PCDH15: variants seen among roughly 807,000 people sequenced by gnomAD.
PCDH15 encodes protocadherin related 15.
Under a neutral mutation model 178.5 loss-of-function variants are expected in PCDH15, and 129 were observed. That is an observed-to-expected ratio of 0.72 (90% confidence interval 0.63 to 0.84). The LOEUF is 0.84. Ranked by LOEUF, PCDH15 falls within the 40% of genes least tolerant of loss-of-function variation. The pLI, the probability that PCDH15 is intolerant of heterozygous loss-of-function variation, is 0.00. For synonymous variants in PCDH15, 800 were observed against 732.0 expected, an observed-to-expected ratio of 1.09 and a Z score of -1.50; for missense variants, 2,230 against 2,099.9, an observed-to-expected ratio of 1.06 and a Z score of -1.21.
chr10:54,476,501 A>C (rs2078283632), intron 3 of PCDH15, among the ~76,000 whole-genome samples: 1 of 152,026 alleles, frequency 6.6e-6, no homozygotes, highest in African/African-American at 2.4e-5. Flanking sequence ...TAATAAGGTA[A>C]ATTATTTGAT....
intron 8 of PCDH15, among the ~76,000 whole-genome samples, chr10:54,258,720 TC>T (rs1330321203): frequency 1.3e-5 from 2 of 152,128 alleles, no homozygotes; most frequent in African/African-American, 2.4e-5. Flanking sequence ...AATAATAATA[TC>T]CAACGTGAAT....
chr10:54,985,945 G>C (rs1320753871), intron 2 of PCDH15, among the ~76,000 whole-genome samples: 1 of 152,196 alleles, frequency 6.6e-6, no homozygotes, highest in East Asian at 1.9e-4. Flanking sequence ...TTAGGCCTTA[G>C]AGTCATGTGA....
intron 18 of PCDH15, among the ~76,000 whole-genome samples, chr10:54,046,629 G>T (rs2093661066): frequency 6.6e-6 from 1 of 150,704 alleles, no homozygotes; most frequent in South Asian, 2.1e-4. Flanking sequence ...AAAAAACCCA[G>T]GAAATTAACA....
intron 2 of PCDH15, among the ~76,000 whole-genome samples, chr10:55,123,953 C>T (rs1380624767): frequency 1.3e-5 from 2 of 152,112 alleles, no homozygotes; most frequent in African/African-American, 4.8e-5. Context: ...GGGCCTGAAG[C>T]AGGCTGGAGT....
At chr10:54,601,496 T>C (rs1386827671) in intron 2 of PCDH15, among the ~76,000 whole-genome samples, 2 of 151,954 alleles carry the variant, frequency 1.3e-5, no homozygotes. Context: ...ATAGAAAACA[T>C]CTCACACCAG....
At position 54,214,740 on chromosome 10, in the gene PCDH15, G is replaced by C. The variant is rs571879627; in HGVS notation, c.986-692C>G. Among the ~76,000 whole-genome samples the C allele has an allele frequency of 2.0e-5, 3 of 152,076 alleles. No individual in the cohort carries two copies. In the South Asian group the frequency reaches 6.2e-4, roughly 31 times the overall value. ...CAAATAGCTGGGATTATAGGCGTGT[G>C]CCACCATGCCTGGCTATTTTTTGTA... On this transcript the variant is annotated intron_variant, in intron 9 of 37. Transcript: ENST00000644397.
At chr10:55,005,749 A>G (rs2131936581) in intron 2 of PCDH15, among the ~76,000 whole-genome samples, 1 of 152,240 alleles carries the variant, frequency 6.6e-6, no homozygotes, top group Non-Finnish European at 1.5e-5. Flanking sequence ...TTCTAAAGCC[A>G]TAATGATGTA....
intron 23 of PCDH15, among the ~76,000 whole-genome samples, chr10:53,951,064 C>A (rs894593796): frequency 6.6e-6 from 1 of 152,074 alleles, no homozygotes; most frequent in Non-Finnish European, 1.5e-5. Flanking sequence ...ATTAGGCCAA[C>A]TAAATGATCT....
intron 21 of PCDH15, among the ~76,000 whole-genome samples, chr10:53,990,897 C>T (rs1330426006): frequency 6.6e-6 from 1 of 152,102 alleles, no homozygotes; most frequent in East Asian, 1.9e-4. Flanking sequence ...GCGGGCCCCA[C>T]ACTCCGAGCG....
At chr10:54,683,494 A>G (rs2094937103) in intron 1 of PCDH15, among the ~76,000 whole-genome samples, 1 of 152,180 alleles carries the variant, frequency 6.6e-6, no homozygotes, top group African/African-American at 2.4e-5. Flanking sequence ...GAATTATTTT[A>G]TCACGTTTCA....
intron 2 of PCDH15, chr10:54,528,495 G>T: frequency 2.1e-6 from 2 of 933,384 alleles, no homozygotes; most frequent in Non-Finnish European, 3.2e-6. Flanking sequence ...TTTAGTGAGA[G>T]ATTTAAGGAT....
At chr10:55,434,027 G>T (rs1182800095) in intron 2 of PCDH15, among the ~76,000 whole-genome samples, 1 of 147,958 alleles carries the variant, frequency 6.8e-6, no homozygotes, top group Non-Finnish European at 1.5e-5. Flanking sequence ...ACTGAAGTTT[G>T]ATAAATCATA....
chr10:55,127,917 T>C (rs1837943986), intron 2 of PCDH15, among the ~76,000 whole-genome samples: 1 of 152,000 alleles, frequency 6.6e-6, no homozygotes, highest in South Asian at 2.1e-4. Flanking sequence ...AAAGGCAAAA[T>C]CTTTAAAGAT....
intron 2 of PCDH15, among the ~76,000 whole-genome samples, chr10:55,057,160 G>A (rs571860615): frequency 6.6e-6 from 1 of 152,148 alleles, no homozygotes; most frequent in East Asian, 1.9e-4. Flanking sequence ...AGAGACTCCT[G>A]GGTCCAACCA....
upstream of PCDH15, among the ~76,000 whole-genome samples, chr10:55,320,012 C>T (rs1332431907): frequency 6.6e-6 from 1 of 152,142 alleles, no homozygotes; most frequent in Non-Finnish European, 1.5e-5. Context: ...TCCCAGGGCC[C>T]CAGCCTGGCC....
chr10:53,849,132 T>G (rs995264397), intron 28 of PCDH15, among the ~76,000 whole-genome samples: 2 of 152,024 alleles, frequency 1.3e-5, no homozygotes, highest in African/African-American at 4.8e-5. Flanking sequence ...ACTAAAAAAG[T>G]AAAAAAGATA....
At chr10:54,775,586 T>C (rs1041623774) in intron 1 of PCDH15, among the ~76,000 whole-genome samples, 87 of 152,202 alleles carry the variant, frequency 5.7e-4, no homozygotes, top group Non-Finnish European at 2.4e-4. Context: ...TCTATCTAGC[T>C]GTAATTTTGT....
intron 2 of PCDH15, among the ~76,000 whole-genome samples, chr10:55,131,806 T>C (rs1838053081): frequency 6.6e-6 from 1 of 152,108 alleles, no homozygotes; most frequent in Non-Finnish European, 1.5e-5. Flanking sequence ...AAGTACATGC[T>C]GATTGGTCTA....
intron 2 of PCDH15, among the ~76,000 whole-genome samples, chr10:54,563,433 G>C (rs1244145266): frequency 1.3e-5 from 2 of 152,006 alleles, no homozygotes; most frequent in Non-Finnish European, 2.9e-5. Context: ...ACTGACAACA[G>C]GCCCAAATTA....
Sources: gnomAD v4.1 joint callset for allele counts (sites outside exome capture counted in the v4.1 genomes callset) on GRCh38, gnomAD v4.1.1 for gene constraint, MANE v1.5 for transcripts, NCBI Gene and HGNC (gene_info 2026-07-23, HGNC 2026-07-21) for gene names.